PDE6B: variants seen among roughly 807,000 people sequenced by gnomAD.
PDE6B encodes the protein phosphodiesterase 6B.
A neutral mutation model predicts 109.0 loss-of-function variants in PDE6B; 106 were observed. That is an observed-to-expected ratio of 0.97 (90% CI 0.83 to 1.14). The LOEUF is 1.14. PDE6B is among the 50% of genes most tolerant of loss of function. The pLI is 0.00. For synonymous variants in PDE6B, 490 were observed against 471.3 expected, an observed-to-expected ratio of 1.04 and a Z score of -0.51; for missense variants, 1,193 against 1,155.6, an observed-to-expected ratio of 1.03 and a Z score of -0.47.
chr4:656,912 T>A lies in PDE6B; in HGVS notation c.1146T>A (p.Asn382Lys). Reference sequence around the variant, plus strand: ...ACGACTCCGGGTGGCTCATCAAGAATGTGCTGTCCATGCCCATCGTCAACA... The same window carrying A: ...ACGACTCCGGGTGGCTCATCAAGAAAGTGCTGTCCATGCCCATCGTCAACA... ...ALDDSGWLIK[N>K]VLSMPIVNKK... The change falls in exon 9 of 22, where the codon AAT becomes AAA. Residue 382 changes from asparagine (N) to lysine (K), a missense_variant. Asn to Lys is a moderately conservative substitution (Grantham distance 94). Transcript: ENST00000496514. 1 of 1,612,960 alleles carries A rather than the reference T, an allele frequency of 6.2e-7. No homozygotes were observed. The highest frequency in any genetic ancestry group is 8.5e-7 in the Non-Finnish European group (1 of 1,179,924).
At chr4:658,612 G>A (rs182922963) in intron 10 of PDE6B, among the ~76,000 whole-genome samples, 9 of 152,210 alleles carry the variant, frequency 5.9e-5, no homozygotes, top group Admixed American at 1.3e-4. Context: ...GCATGCCCCC[G>A]AGGTCCCTCT....
In PDE6B at chr4:667,978, G is replaced by A. The variant is rs1328088810; in HGVS notation, c.2475G>A (p.Glu825=). 1.9e-6 allele frequency: 3 copies of A among 1,612,974 alleles called. No homozygotes were observed. The highest frequency in any genetic ancestry group is 1.1e-5 in the South Asian group (1 of 91,078). ...EAKVKALEEK[E]EEERVAAKKV... ...AAGTGAAGGCTCTGGAGGAGAAGGA[G>A]GAGGAGGAGAGGGTGGCAGCCAAGA... The change falls in exon 21 of 22, where the codon GAG becomes GAA. Residue 825 remains glutamate (E), a synonymous_variant. Coordinates refer to ENST00000496514, the MANE Select transcript of PDE6B (RefSeq NM_000283.4).
rs752429712 is a variant in PDE6B, at chr4:625,942, C to G, written c.316C>G (p.Leu106Val). 1.9e-6 allele frequency: 3 copies of G among 1,591,170 alleles called. No individual in the cohort carries two copies. Among genetic ancestry groups the G allele is most frequent in the African/African-American group, 1.3e-5 (1 of 74,466 alleles). Reference protein sequence around the residue: ...MYRQRNGVAELATRLFSVQPD... With the variant: ...MYRQRNGVAEVATRLFSVQPD... ...CCGCCAGCGCAACGGCGTGGCCGAGCTGGCCACCAGGCTTTTCAGCGTGCA... is the reference window on the plus strand; with the variant it reads ...CCGCCAGCGCAACGGCGTGGCCGAGGTGGCCACCAGGCTTTTCAGCGTGCA... The change falls in exon 1 of 22, where the codon CTG (leucine) becomes GTG (valine). Residue 106 changes from leucine to valine, a missense_variant. By Grantham distance (32) the Leu-to-Val change is conservative. Coordinates refer to ENST00000496514, the MANE Select transcript of PDE6B (RefSeq NM_000283.4). This position sits in a 1 kb window ranked among gnomAD's most constrained non-coding sequence, Gnocchi z 5.0.
At chr4:642,320 C>G (rs1389876483) in intron 3 of PDE6B, among the ~76,000 whole-genome samples, 1 of 151,738 alleles carries the variant, frequency 6.6e-6, no homozygotes, top group Non-Finnish European at 1.5e-5. Flanking sequence ...ACTAAAAATA[C>G]AAAAAATTAG....
At chr4:660,187 C>A (rs1736897015) in intron 11 of PDE6B, among the ~76,000 whole-genome samples, 3 of 152,154 alleles carry the variant, frequency 2.0e-5, no homozygotes, top group Non-Finnish European at 4.4e-5. Flanking sequence ...TTTTCATGTG[C>A]ACACCTTTGT....
intron 1 of PDE6B, among the ~76,000 whole-genome samples, chr4:632,719 G>C (rs556001585): frequency 1.3e-5 from 2 of 150,594 alleles, no homozygotes; most frequent in Non-Finnish European, 3.0e-5. Flanking sequence ...GTGTGGGTCC[G>C]TGTGGCACCA....
intron 6 of PDE6B, chr4:655,440 C>T: frequency 3.5e-6 from 1 of 285,592 alleles, no homozygotes; most frequent in Non-Finnish European, 6.7e-6. Flanking sequence ...GATCCAGGTG[C>T]CAGGCTTGAG....
Position 662,374 on chromosome 4 carries a change from C to A in PDE6B, c.1722+133C>A. The stretch of plus-strand genomic sequence containing the variant: ...GGAGGAGGGCAACGCCCTCTGACAC[C>A]GTGCACCGCGCACCCCAGCCCTGCG... On this transcript the variant is annotated intron_variant, in intron 13 of 21. Transcript: ENST00000496514. This position sits in a 1 kb window ranked among gnomAD's most constrained non-coding sequence, Gnocchi z 4.3. 4 of 813,630 alleles carry A rather than the reference C, an allele frequency of 4.9e-6. No homozygotes were observed. The highest frequency in any genetic ancestry group is 2.9e-5 in the South Asian group (2 of 70,064). The allele number at this position is 813,630 out of a possible 1,614,324, so 50.4% of individuals were successfully genotyped here. A position where few individuals can be genotyped will look rare whatever the true frequency, so the allele number is the denominator to read the frequency against.
At chr4:664,419 A>C (rs144912921) in intron 17 of PDE6B, among the ~76,000 whole-genome samples, 198 bp downstream of exon 17, 1 of 152,232 alleles carries the variant, frequency 6.6e-6, no homozygotes, top group East Asian at 1.9e-4. Flanking sequence ...AGAGCTGGGG[A>C]GCACACAGGC....
In PDE6B at chr4:656,744, G is replaced by A; in HGVS notation, c.1108-130G>A. ...GAGAGGGAGAGAGGGAATGCAGAGA[G>A]CAGAGACAGGAACACGAGCCCAGCC... On this transcript the variant is annotated intron_variant, in intron 8 of 21. Coordinates refer to ENST00000496514, the MANE Select transcript of PDE6B (RefSeq NM_000283.4). 3.9e-6 allele frequency: 3 copies of A among 772,006 alleles called. No individual in the cohort carries two copies. The South Asian group carries it at 4.4e-5, about 11-fold the overall frequency. The allele number at this position is 772,006 out of a possible 1,614,324, so 47.8% of individuals were successfully genotyped here.
chr4:645,000 A>G (rs1224169118), intron 3 of PDE6B, among the ~76,000 whole-genome samples: 1 of 152,098 alleles, frequency 6.6e-6, no homozygotes, highest in Non-Finnish European at 1.5e-5. Flanking sequence ...ATGTGTGAAC[A>G]TGAATGATTT....
Position 663,957 on chromosome 4 carries a change from G to A in PDE6B, c.2021+87G>A. The stretch of plus-strand genomic sequence containing the variant: ...GACACGGGGGCGCAGCGGCGGCACA[G>A]CCCGGGGGACGCAGCCCCGGATTCC... On this transcript the variant is annotated intron_variant, in intron 16 of 21. Transcript: ENST00000496514. The surrounding 1 kb of genome is among the most constrained non-coding windows in gnomAD (Gnocchi z 4.0). 1 of 1,142,516 alleles carries A rather than the reference G, an allele frequency of 8.8e-7. No homozygotes were observed. The allele number at this position is 1,142,516 out of a possible 1,614,324, so 70.8% of individuals were successfully genotyped here.
intron 3 of PDE6B, chr4:652,631 A>G (rs1288609149): frequency 3.0e-6 from 1 of 327,900 alleles, no homozygotes; most frequent in East Asian, 1.7e-4. Context: ...AATGTAAAAC[A>G]ATACAGTAGA....
intron 3 of PDE6B, among the ~76,000 whole-genome samples, chr4:642,951 T>C (rs550222659): frequency 2.6e-4 from 39 of 152,312 alleles, no homozygotes; most frequent in South Asian, 8.3e-4. Context: ...TGCCACCTGG[T>C]CATGTAGTGT....
At chr4:638,981 C>T (rs1052995970) in intron 3 of PDE6B, among the ~76,000 whole-genome samples, 16 of 152,312 alleles carry the variant, frequency 1.1e-4, no homozygotes, top group South Asian at 2.1e-4. Flanking sequence ...TCTGTTCCCT[C>T]CAGGGTCCCA....
intron 3 of PDE6B, among the ~76,000 whole-genome samples, chr4:640,132 C>T (rs1734876666): frequency 6.6e-6 from 1 of 152,102 alleles, no homozygotes; most frequent in Admixed American, 6.6e-5. Flanking sequence ...ATAGTGAGAC[C>T]CTATCTCTAC....
Position 659,629 on chromosome 4 carries a change from CAT to C in PDE6B, c.1467+613_1467+614del, listed in dbSNP as rs536488727. On this transcript the variant is annotated intron_variant, in intron 11 of 21. Transcript: ENST00000496514. ...CGTGTGTGCATTGTATGAATGTGCA[CAT>C]GTGTACACATGTGTGTGCACATGTG... 5.4e-3 allele frequency among the ~76,000 whole-genome samples: 803 copies of C among 148,620 alleles called. 5 individuals carry two copies. The highest frequency in any genetic ancestry group is 0.018 in the African/African-American group (717 of 40,774).
intron 7 of PDE6B, 64 bp from the exon 8 acceptor site, chr4:656,181 C>T (rs547185588): frequency 8.3e-7 from 1 of 1,209,594 alleles, no homozygotes; most frequent in Admixed American, 1.7e-5. Flanking sequence ...CCACAGAGGC[C>T]ATTTTAGATC....
At chr4:639,610 A>G (rs1380811375) in intron 3 of PDE6B, among the ~76,000 whole-genome samples, 1 of 152,240 alleles carries the variant, frequency 6.6e-6, no homozygotes, top group African/African-American at 2.4e-5. Flanking sequence ...ACTGAGGTGC[A>G]GAACTGGAAA....
Sources: gnomAD v4.1 joint callset for allele counts (sites outside exome capture counted in the v4.1 genomes callset) on GRCh38, gnomAD v4.1.1 for gene constraint, Gnocchi (gnomAD v3.1) non-coding constraint, MANE v1.5 for transcripts, NCBI Gene and HGNC (gene_info 2026-07-23, HGNC 2026-07-21) for gene names.